Variants in RNF103 observed in about 807,000 individuals in gnomAD.
RNF103 encodes ring finger protein 103.
In RNF103, 23 loss-of-function variants were observed where a neutral mutation model predicts 66.2. The ratio of observed to expected loss-of-function variants is 0.35; its 90% CI spans 0.25 to 0.49. The LOEUF is 0.49. Among genes scored for constraint, RNF103 ranks in the 20% least tolerant of loss-of-function variants. The pLI is 0.98. For synonymous variants in RNF103, 297 were observed against 289.9 expected (o/e 1.02, Z -0.25); for missense variants, 730 against 814.7 (o/e 0.90, Z 1.27).
chr2:86,623,194 G>C lies in RNF103; in HGVS notation c.-308C>G. On this transcript the variant is annotated 5_prime_UTR_variant, in exon 1 of 4. Transcript: ENST00000237455. ...TTAAGCACAGAAAGGAGAGGGGCGC[G>C]GGGAGAGCTCGCGGGGAAGAACAAA... 9.6e-7 allele frequency: 1 copy of C among 1,040,086 alleles called. No individual in the cohort carries two copies. Among genetic ancestry groups the C allele is most frequent in the East Asian group, 8.3e-5 (1 of 11,984 alleles). The allele number at this position is 1,040,086 out of a possible 1,614,324, so 64.4% of individuals were successfully genotyped here.
rs1396560541 is a variant in RNF103, at chr2:86,623,254, C to T, written c.-368G>A. On this transcript the variant is annotated 5_prime_UTR_variant, in exon 1 of 4. Coordinates refer to ENST00000237455, the MANE Select transcript of RNF103 (RefSeq NM_005667.4). ...GCTTCCCCCGGGGCGGGCACTGACC[C>T]AGGTGGCGGGGTCGGCCCTCCGGTG... 2 of 1,001,246 alleles carry T rather than the reference C, an allele frequency of 2.0e-6. No homozygotes were observed. Among genetic ancestry groups the T allele is most frequent in the Non-Finnish European group, 2.4e-6 (2 of 841,694 alleles). 62.0% of individuals were successfully genotyped at this position (1,001,246 alleles called of 1,614,324 possible).
In RNF103 at chr2:86,604,300, T is replaced by A; in HGVS notation, c.1601A>T (p.Asp534Val). 1 of 1,614,228 alleles carries A rather than the reference T, an allele frequency of 6.2e-7. No individual in the cohort carries two copies. Among genetic ancestry groups the A allele is most frequent in the Non-Finnish European group, 8.5e-7 (1 of 1,180,048 alleles). ...CTCACTTTCCGAGTCATTTTCAGTA[T>A]CTTGAGACCCCTCCGACATTTCCTC... is the stretch of plus-strand genomic sequence containing the variant. ...SEEEMSEGSQDTENDSESENT... is the reference protein window; with the variant it reads ...SEEEMSEGSQVTENDSESENT... The change falls in exon 4 of 4, where the codon GAT (aspartate) becomes GTT (valine). Residue 534 changes from aspartate (D) to valine (V), a missense_variant. This residue lies in a region of RNF103 where 355 missense variants were observed against 351.9 expected (regional missense o/e 1.01). Coordinates refer to ENST00000237455, the MANE Select transcript of RNF103 (RefSeq NM_005667.4).
At position 86,604,507 on chromosome 2, in the gene RNF103, T is replaced by G; in HGVS notation, c.1394A>C (p.Tyr465Ser). 1 of 1,614,214 alleles carries G rather than the reference T, an allele frequency of 6.2e-7. No individual in the cohort carries two copies. The highest frequency in any genetic ancestry group is 8.5e-7 in the Non-Finnish European group (1 of 1,180,044). The change falls in exon 4 of 4, where the codon TAC becomes TCC. Residue 465 changes from tyrosine (Y) to serine (S), a missense_variant. This residue lies in a region of RNF103 where 355 missense variants were observed against 351.9 expected (regional missense o/e 1.01). Coordinates refer to ENST00000237455, the MANE Select transcript of RNF103 (RefSeq NM_005667.4). ...AAAAGAAGCAATCGGGTGGAAGAGG[T>G]AGCTGGTGTACCAGTCCCACAGACT... ...LSSLWDWYTS[Y>S]LFHPIASFQN... is the part of the protein sequence containing the mutation.
chr2:86,611,474 G>C (rs922526743), intron 3 of RNF103, among the ~76,000 whole-genome samples: 5 of 151,654 alleles, frequency 3.3e-5, no homozygotes, highest in African/African-American at 1.2e-4. Flanking sequence ...AAGAGAAATG[G>C]AAAAAAAGGC....
Position 86,623,732 on chromosome 2 carries a change from A to C in RNF103, c.-846T>G. The C allele has an allele frequency of 3.2e-6, 4 of 1,262,364 alleles. No individual in the cohort carries two copies. Among genetic ancestry groups the C allele is most frequent in the Non-Finnish European group, 4.1e-6 (4 of 977,944 alleles). 78.2% of individuals were successfully genotyped at this position (1,262,364 alleles called of 1,614,324 possible). ...CTACCCGGCTGCCTCCCGGCCACTC[A>C]GCGCCCGTCCCGCTCGGATGGGCAG... is the stretch of plus-strand genomic sequence containing the variant. On this transcript the variant is annotated 5_prime_UTR_variant, in exon 1 of 4. Coordinates refer to ENST00000237455, the MANE Select transcript of RNF103 (RefSeq NM_005667.4).
rs1271268316 is a variant in RNF103 at position 86,604,353 on chromosome 2, T to A, written c.1548A>T (p.Arg516=). The A allele has an allele frequency of 2.5e-6, 4 of 1,614,094 alleles. No homozygotes were observed. The highest frequency in any genetic ancestry group is 2.5e-6 in the Non-Finnish European group (3 of 1,180,038). ...TDYIKNLPMW[R]FKCLGVQSEE... The stretch of plus-strand genomic sequence containing the variant: ...CAGACTGGACTCCAAGACATTTAAA[T>A]CGCCACATTGGTAAGTTTTTAATAT... Residue 516 remains arginine, a synonymous_variant, in exon 4 of 4, where the codon CGA becomes CGT. Transcript: ENST00000237455.
rs1678828042 is a variant in RNF103 at position 86,612,288 on chromosome 2, T to C, written c.367-14A>G. On this transcript the variant is annotated splice_polypyrimidine_tract_variant and intron_variant, in intron 2 of 3. Transcript: ENST00000237455. The stretch of plus-strand genomic sequence containing the variant: ...ATTTGCTATGACCTATTCCCAAAAA[T>C]AGAGAAAAAGAAACTTGAATTACCT... 3 of 1,530,842 alleles carry C rather than the reference T, an allele frequency of 2.0e-6. No individual in the cohort carries two copies. Among genetic ancestry groups the C allele is most frequent in the East Asian group, 2.3e-5 (1 of 44,334 alleles). The allele number at this position is 1,530,842 out of a possible 1,614,324, so 94.8% of individuals were successfully genotyped here.
At chr2:86,616,851 C>A in intron 2 of RNF103, 1 of 985,382 alleles carries the variant, frequency 1.0e-6, no homozygotes, top group Non-Finnish European at 1.2e-6. Flanking sequence ...ATCCATAAAA[C>A]CCATAAATTA....
rs995087950 is a variant in RNF103, at chr2:86,617,717, G to C, written c.366+2613C>G. On this transcript the variant is annotated intron_variant, in intron 2 of 3. Transcript: ENST00000237455. ...TAGATTAATATATATGATCTGAGCT[G>C]AAAGAATGGCAAGCAATGGAGACAA... The C allele has an allele frequency of 3.0e-6, 3 of 1,003,850 alleles. No homozygotes were observed. In the East Asian group the frequency reaches 2.9e-4, roughly 97 times the overall value. The allele number at this position is 1,003,850 out of a possible 1,614,324, so 62.2% of individuals were successfully genotyped here. A position where few individuals can be genotyped will look rare whatever the true frequency, so the allele number is the denominator to read the frequency against.
chr2:86,622,736 T>C lies in RNF103; in HGVS notation c.151A>G (p.Ile51Val), dbSNP rs1205467284. Residue 51 changes from isoleucine (I) to valine (V), a missense_variant, in exon 1 of 4, where the codon ATT (isoleucine) becomes GTT (valine). Ile to Val is a conservative substitution (Grantham distance 29, BLOSUM62 3). Coordinates refer to ENST00000237455, the MANE Select transcript of RNF103 (RefSeq NM_005667.4). ...VALSFKKLKT[I>V]LECRGLGYSG... ...TAGCCCAACCCCCGGCACTCCAAAA[T>C]GGTCTTCAGCTTCTTGAAGCTCAGC... 3.7e-6 allele frequency: 6 copies of C among 1,614,008 alleles called. No homozygotes were observed. Among genetic ancestry groups the C allele is most frequent in the Admixed American group, 1.7e-5 (1 of 59,998 alleles).
At position 86,612,195 on chromosome 2, in the gene RNF103, A is replaced by G; in HGVS notation, c.446T>C (p.Ile149Thr). The change falls in exon 3 of 4, where the codon ATA becomes ACA. Residue 149 changes from isoleucine to threonine, a missense_variant. Transcript: ENST00000237455. The part of the protein sequence containing the change: ...KMVKKVSRFG[I>T]RTGTFNCSSD... The stretch of plus-strand genomic sequence containing the variant: ...GGAACAGTTAAATGTGCCTGTACGT[A>G]TTCCAAATCTTGACACCTTTTTAAC... 1 of 1,613,782 alleles carries G rather than the reference A, an allele frequency of 6.2e-7. No homozygotes were observed.
chr2:86,616,150 C>T (rs1679010508), intron 2 of RNF103, among the ~76,000 whole-genome samples: 1 of 152,182 alleles, frequency 6.6e-6, no homozygotes, highest in African/African-American at 2.4e-5. Context: ...TAATTCAGTG[C>T]ATTTTAAAAT....
In RNF103 at chr2:86,615,532, A is replaced by G. The variant is rs997540304; in HGVS notation, c.367-3258T>C. Reference sequence around the variant, plus strand: ...ATATACATATGCCTTATATATATATATATATAATATATATACACACACACA... The same window carrying G: ...ATATACATATGCCTTATATATATATGTATATAATATATATACACACACACA... On this transcript the variant is annotated intron_variant, in intron 2 of 3. Transcript: ENST00000237455. Among the ~76,000 whole-genome samples, 5 of 147,604 alleles carry G rather than the reference A, an allele frequency of 3.4e-5. No homozygotes were observed. In the East Asian group the frequency reaches 7.9e-4, roughly 23 times the overall value.
Position 86,623,789 on chromosome 2 carries a change from C to G in RNF103, c.-903G>C. The G allele has an allele frequency of 7.8e-7, 1 of 1,282,886 alleles. No individual in the cohort carries two copies. Among genetic ancestry groups the G allele is most frequent in the Non-Finnish European group, 1.0e-6 (1 of 986,434 alleles). The allele number at this position is 1,282,886 out of a possible 1,614,324, so 79.5% of individuals were successfully genotyped here. ...TCGCAGCACCCGTCCCCAACACCCC[C>G]GCCACCTCCGGAGACCGCGGCCGTA... On this transcript the variant is annotated 5_prime_UTR_variant, in exon 1 of 4. Coordinates refer to ENST00000237455, the MANE Select transcript of RNF103 (RefSeq NM_005667.4).
At chr2:86,619,196 TGACAGTACCAGACCTGTAACAGC>T (rs1042854657) in intron 2 of RNF103, among the ~76,000 whole-genome samples, 11 of 152,206 alleles carry the variant, frequency 7.2e-5, no homozygotes, top group Admixed American at 1.3e-4. Context: ...TGCTAGTCAG[TGACAGTACCAGACCTGTAACAGC>T]GACAGTACCA....
At chr2:86,611,360 T>C (rs190367067) in intron 3 of RNF103, among the ~76,000 whole-genome samples, 2 of 152,234 alleles carry the variant, frequency 1.3e-5, no homozygotes, top group East Asian at 3.9e-4. Flanking sequence ...ACAAGGGTTC[T>C]AAGCAGAAGA....
At chr2:86,622,436 T>C (rs961970223) in intron 1 of RNF103, among the ~76,000 whole-genome samples, 2 of 152,222 alleles carry the variant, frequency 1.3e-5, no homozygotes, top group African/African-American at 4.8e-5. Context: ...ACTGTCATTT[T>C]ACGATAACCT....
intron 1 of RNF103, among the ~76,000 whole-genome samples, chr2:86,622,348 G>A (rs1455485553): frequency 2.0e-5 from 3 of 152,162 alleles, no homozygotes; most frequent in Admixed American, 6.5e-5. Context: ...ATGCTTTCCA[G>A]TTTGTAACTA....
At position 86,605,130 on chromosome 2, in the gene RNF103, A is replaced by T; in HGVS notation, c.771T>A (p.Phe257Leu). The change falls in exon 4 of 4, where the codon TTT (phenylalanine) becomes TTA (leucine). Residue 257 changes from phenylalanine to leucine, a missense_variant. Transcript: ENST00000237455. Reference protein sequence around the residue: ...PAFFSALSIKFTGRVEFIFVN... With the variant: ...PAFFSALSIKLTGRVEFIFVN... ...CAAAAATAAACTCAACTCTTCCAGT[A>T]AACTTTATACTTAGTGCAGAGAAGA... 1 of 1,613,924 alleles carries T rather than the reference A, an allele frequency of 6.2e-7. No homozygotes were observed. Among genetic ancestry groups the T allele is most frequent in the South Asian group, 1.1e-5 (1 of 91,074 alleles).
Sources: allele counts gnomAD v4.1 joint callset (sites outside exome capture counted in the v4.1 genomes callset), GRCh38; gene constraint gnomAD v4.1.1; regional missense constraint gnomAD v4.1.1; transcripts MANE v1.5; gene names NCBI Gene and HGNC (gene_info 2026-07-23, HGNC 2026-07-21).